PRDM5: variants seen among roughly 807,000 people sequenced by gnomAD.
The protein encoded by PRDM5 is PR domain zinc finger protein 5.
PRDM5 carries 56 observed loss-of-function variants against 81.2 expected under a neutral mutation model. The observed-to-expected ratio is 0.69, with a 90% CI of 0.56 to 0.86. The LOEUF (loss-of-function observed/expected upper bound fraction) is 0.86, where lower values mean the gene tolerates loss of function less well. Among genes scored for constraint, PRDM5 ranks in the 40% least tolerant of loss-of-function variants. The probability of loss-of-function intolerance (pLI) is 0.00; values close to 1 mark genes in which losing one functional copy is unlikely to be tolerated. For synonymous variants in PRDM5, 267 were observed against 256.4 expected, an observed-to-expected ratio of 1.04 and a Z score of -0.39; for missense variants, 697 against 770.1, an observed-to-expected ratio of 0.91 and a Z score of 1.12.
chr4:120,791,353 C>T (rs1750548371), intron 10 of PRDM5, among the ~76,000 whole-genome samples: 2 of 152,118 alleles, frequency 1.3e-5, no homozygotes, highest in East Asian at 3.8e-4. Context: ...AAGTAGGTTC[C>T]TGAATGATAC....
At chr4:120,872,163 A>AAAAAAAAAAAAC (rs1561557527) in intron 2 of PRDM5, among the ~76,000 whole-genome samples, 1 of 147,876 alleles carries the variant, frequency 6.8e-6, no homozygotes, top group Non-Finnish European at 1.5e-5. Flanking sequence ...AAAAAAAAAA[A>AAAAAAAAAAAAC]AAAAAAAAAA....
At chr4:120,707,019 G>C (rs185435255) in intron 15 of PRDM5, among the ~76,000 whole-genome samples, 1 of 151,842 alleles carries the variant, frequency 6.6e-6, no homozygotes, top group Non-Finnish European at 1.5e-5. Flanking sequence ...AATTCTGTAC[G>C]TCTTTCAAAA....
intron 14 of PRDM5, among the ~76,000 whole-genome samples, chr4:120,752,522 C>G (rs906241947): frequency 1.9e-4 from 29 of 152,170 alleles, no homozygotes; most frequent in African/African-American, 6.0e-4. Context: ...GACAAGGGAC[C>G]ATCTGCAGCT....
At chr4:120,704,264 T>G (rs1560909103) in intron 15 of PRDM5, among the ~76,000 whole-genome samples, 3 of 152,176 alleles carry the variant, frequency 2.0e-5, no homozygotes, top group Admixed American at 1.3e-4. Context: ...AAAAGCTGTT[T>G]TCATGAACCT....
At chr4:120,902,936 C>T (rs1765380176) in intron 2 of PRDM5, among the ~76,000 whole-genome samples, 2 of 152,200 alleles carry the variant, frequency 1.3e-5, no homozygotes, top group South Asian at 4.1e-4. Context: ...AAGGCTCACA[C>T]CTACCAGGAG....
Position 120,708,099 on chromosome 4 carries a change from C to T in PRDM5, c.1728+2210G>A, listed in dbSNP as rs186722530. 1.5e-3 allele frequency among the ~76,000 whole-genome samples: 225 copies of T among 152,042 alleles called. 1 individual carries two copies. Among genetic ancestry groups the T allele is most frequent in the African/African-American group, 5.3e-3 (220 of 41,506 alleles). On this transcript the variant is annotated intron_variant, in intron 15 of 15. Coordinates refer to ENST00000264808, the MANE Select transcript of PRDM5 (RefSeq NM_018699.4). ...CTAAGGAAAACAGTATGTCAGTTCCCGAAAAAGTTAAACAGAATTACCATA... is the reference window on the plus strand; with the variant it reads ...CTAAGGAAAACAGTATGTCAGTTCCTGAAAAAGTTAAACAGAATTACCATA...
At chr4:120,803,943 A>T (rs184101003) in intron 8 of PRDM5, among the ~76,000 whole-genome samples, 1 of 152,188 alleles carries the variant, frequency 6.6e-6, no homozygotes, top group Non-Finnish European at 1.5e-5. Context: ...ATCAGTGTGC[A>T]GTATTCAGGA....
At chr4:120,865,598 G>T (rs900161116) in intron 2 of PRDM5, among the ~76,000 whole-genome samples, 3 of 152,150 alleles carry the variant, frequency 2.0e-5, no homozygotes, top group Non-Finnish European at 4.4e-5. Flanking sequence ...GGGTTATAGC[G>T]ATGCATGGTT....
intron 3 of PRDM5, among the ~76,000 whole-genome samples, chr4:120,822,560 T>C (rs1273334218): frequency 1.2e-4 from 18 of 152,174 alleles, no homozygotes; most frequent in Non-Finnish European, 7.4e-5. Flanking sequence ...TTTATGTATA[T>C]ATGTAAACAC....
chr4:120,699,487 A>G (rs1227416299), intron 15 of PRDM5, among the ~76,000 whole-genome samples: 1 of 152,102 alleles, frequency 6.6e-6, no homozygotes, highest in African/African-American at 2.4e-5. Flanking sequence ...CAGTGCCCTG[A>G]AAGCAAACAA....
At position 120,740,656 on chromosome 4, in the gene PRDM5, A is replaced by G. The variant is rs117372649; in HGVS notation, c.1623+13897T>C. Among the ~76,000 whole-genome samples the G allele has an allele frequency of 2.4e-4, 36 of 152,258 alleles. No homozygotes were observed. In the East Asian group the frequency reaches 6.2e-3, roughly 26 times the overall value. The stretch of plus-strand genomic sequence containing the variant: ...CCTCATATATGTGCCTGACTCTCAG[A>G]TCCCATGGCCATCTCATGTGGGTCC... On this transcript the variant is annotated intron_variant, in intron 14 of 15. Transcript: ENST00000264808.
chr4:120,761,652 T>C (rs993028850), intron 13 of PRDM5, among the ~76,000 whole-genome samples: 2 of 152,188 alleles, frequency 1.3e-5, no homozygotes, highest in Admixed American at 6.5e-5. Context: ...TCTACTACTA[T>C]GTAACCACCT....
intron 3 of PRDM5, among the ~76,000 whole-genome samples, chr4:120,843,162 C>T (rs1489785872): frequency 6.6e-6 from 1 of 151,770 alleles, no homozygotes; most frequent in Non-Finnish European, 1.5e-5. Context: ...CTGGTGAAAT[C>T]CTGTCTACTA....
intron 1 of PRDM5, among the ~76,000 whole-genome samples, chr4:120,913,140 C>T (rs557920883): frequency 1.3e-5 from 2 of 152,246 alleles, no homozygotes; most frequent in East Asian, 3.9e-4. Flanking sequence ...ATATTTATCT[C>T]GAAGAGAAGG....
chr4:120,791,529 C>G (rs976773057), intron 10 of PRDM5, among the ~76,000 whole-genome samples: 8 of 152,202 alleles, frequency 5.3e-5, no homozygotes, highest in Non-Finnish European at 7.3e-5. Flanking sequence ...GAAAGAGGTG[C>G]CTTCTATGGT....
Position 120,816,706 on chromosome 4 carries a change from A to G in PRDM5, c.743+126T>C. 2 of 1,517,864 alleles carry G rather than the reference A, an allele frequency of 1.3e-6. 1 individual carries two copies. Among genetic ancestry groups the G allele is most frequent in the South Asian group, 2.2e-5 (2 of 89,002 alleles). 94.0% of individuals were successfully genotyped at this position (1,517,864 alleles called of 1,614,324 possible). A position where few individuals can be genotyped will look rare whatever the true frequency, so the allele number is the denominator to read the frequency against. On this transcript the variant is annotated intron_variant, in intron 6 of 15. Coordinates refer to ENST00000264808, the MANE Select transcript of PRDM5 (RefSeq NM_018699.4). ...GGGTCATTCCATGCATTACCTATGC[A>G]GGTAAGAAGAAAAGCATTTAAATTC...
At chr4:120,859,074 C>A (rs551843116) in intron 2 of PRDM5, among the ~76,000 whole-genome samples, 3 of 152,232 alleles carry the variant, frequency 2.0e-5, no homozygotes, top group African/African-American at 7.2e-5. Context: ...CATGACAGTT[C>A]TTTATACCAG....
At position 120,811,444 on chromosome 4, in the gene PRDM5, GATCTCCTAAAAT is replaced by G; in HGVS notation, c.866-7_870del. The G allele has an allele frequency of 6.3e-7, 1 of 1,578,280 alleles. No homozygotes were observed. Among genetic ancestry groups the G allele is most frequent in the East Asian group, 2.3e-5 (1 of 44,344 alleles). Reference sequence around the variant, plus strand: ...ACTGAACATATAAGCTTTTTCTTAGGATCTCCTAAAATAGAAATAAAATACCATGATGATTTA... The same window carrying G: ...ACTGAACATATAAGCTTTTTCTTAGGAGAAATAAAATACCATGATGATTTA... On this transcript the variant is annotated splice_acceptor_variant and splice_polypyrimidine_tract_variant and coding_sequence_variant and intron_variant, in exon 8 of 16. Transcript: ENST00000264808. LOFTEE classifies it high-confidence loss of function.
At chr4:120,790,763 G>A (rs931109507) in intron 10 of PRDM5, among the ~76,000 whole-genome samples, 1 of 152,018 alleles carries the variant, frequency 6.6e-6, no homozygotes, top group African/African-American at 2.4e-5. Context: ...GTGAATACTG[G>A]GTCAGGCAAG....
Sources: gnomAD v4.1 joint callset for allele counts (sites outside exome capture counted in the v4.1 genomes callset) on GRCh38, gnomAD v4.1.1 for gene constraint, MANE v1.5 for transcripts, NCBI Gene and HGNC (gene_info 2026-07-23, HGNC 2026-07-21) for gene names.